ZNF566: variants seen among roughly 807,000 people sequenced by gnomAD.
The protein encoded by ZNF566 is zinc finger protein 566.
A neutral mutation model predicts 32.8 loss-of-function variants in ZNF566; 27 were observed. The observed-to-expected ratio is 0.82, with a 90% CI of 0.61 to 1.14. The LOEUF is 1.14. Among genes scored for constraint, ZNF566 ranks in the 50% most tolerant of loss-of-function variants. The pLI, the probability that ZNF566 is intolerant of heterozygous loss-of-function variation, is 0.00. For synonymous variants in ZNF566, 154 were observed against 159.5 expected (o/e 0.97, Z 0.26); for missense variants, 402 against 490.4 (o/e 0.82, Z 1.70).
intron 1 of ZNF566, among the ~76,000 whole-genome samples, chr19:36,482,976 A>G (rs1195374880): frequency 1.3e-5 from 2 of 152,208 alleles, no homozygotes; most frequent in Admixed American, 1.3e-4. Flanking sequence ...GGTCAAGGGA[A>G]CACACAGATA....
intron 4 of ZNF566, among the ~76,000 whole-genome samples, chr19:36,463,574 G>A (rs1315227682): frequency 5.6e-5 from 7 of 123,978 alleles, no homozygotes; most frequent in Admixed American, 1.1e-4. Context: ...GCAGAGTCTC[G>A]CTCTGTTGCC....
intron 4 of ZNF566, among the ~76,000 whole-genome samples, chr19:36,463,384 G>T (rs2033527759): frequency 6.6e-6 from 1 of 151,886 alleles, no homozygotes; most frequent in Admixed American, 6.6e-5. Context: ...TGAACTATAA[G>T]CCCTTTTTTG....
chr19:36,477,850 T>C (rs980258147), intron 1 of ZNF566, among the ~76,000 whole-genome samples: 1 of 152,096 alleles, frequency 6.6e-6, no homozygotes, highest in Non-Finnish European at 1.5e-5. Flanking sequence ...CACTTTAAGA[T>C]GTTTAAAGTG....
At chr19:36,463,633 C>A (rs2033537886) in intron 4 of ZNF566, among the ~76,000 whole-genome samples, 4 of 149,214 alleles carry the variant, frequency 2.7e-5, no homozygotes, top group Admixed American at 6.7e-5. Context: ...ACCTCTGCCT[C>A]CTGGGTTCAA....
chr19:36,484,854 G>A (rs1222496964), intron 1 of ZNF566, among the ~76,000 whole-genome samples: 1 of 152,030 alleles, frequency 6.6e-6, no homozygotes, highest in Non-Finnish European at 1.5e-5. Flanking sequence ...CTCCCAAAGT[G>A]TTGGGATTAC....
At chr19:36,462,956 CAAAAAAAAAAAAAAAAAAA>C (rs755283751) in intron 4 of ZNF566, among the ~76,000 whole-genome samples, 7 of 38,558 alleles carry the variant, frequency 1.8e-4, no homozygotes, top group South Asian at 1.4e-3. Context: ...GACTCTGTCT[CAAAAAAAAAAAAAAAAAAA>C]AAAAAAAAAA....
intron 1 of ZNF566, among the ~76,000 whole-genome samples, chr19:36,479,900 T>C (rs1303986319): frequency 6.6e-6 from 1 of 152,188 alleles, no homozygotes; most frequent in Non-Finnish European, 1.5e-5. Flanking sequence ...TCTCACTGTG[T>C]TGCCCAGGCT....
intron 4 of ZNF566, among the ~76,000 whole-genome samples, chr19:36,458,806 C>A (rs546567783): frequency 6.6e-6 from 1 of 152,296 alleles, no homozygotes; most frequent in Admixed American, 6.5e-5. Flanking sequence ...AATCATTTCA[C>A]AATGTATACA....
At chr19:36,477,497 T>C (rs2033917534) in intron 1 of ZNF566, among the ~76,000 whole-genome samples, 1 of 151,664 alleles carries the variant, frequency 6.6e-6, no homozygotes, top group Non-Finnish European at 1.5e-5. Context: ...AGTTTGGATA[T>C]ACCTGGGTCA....
chr19:36,481,712 G>C (rs1366150933), intron 1 of ZNF566, among the ~76,000 whole-genome samples: 1 of 152,038 alleles, frequency 6.6e-6, no homozygotes. Flanking sequence ...CCGCTTCTAG[G>C]AATCTACCCT....
chr19:36,472,901 C>T lies in ZNF566; in HGVS notation c.232+10G>A, dbSNP rs1337447905. 1 of 1,607,814 alleles carries T rather than the reference C, an allele frequency of 6.2e-7. No individual in the cohort carries two copies. The highest frequency in any genetic ancestry group is 8.5e-7 in the Non-Finnish European group (1 of 1,177,282). ...GCCAAATCACGCATTACCTGCTGTG[C>T]CTCACTTACCTGGCCACTGGCCTCT... On this transcript the variant is annotated intron_variant, in intron 4 of 4. Transcript: ENST00000452939.
Position 36,449,050 on chromosome 19 carries a change from T to C in ZNF566, c.1184A>G (p.Tyr395Cys), listed in dbSNP as rs763231728. ...HHRIHTSEKPYEYRECGKNFN... is the reference protein window; with the variant it reads ...HHRIHTSEKPCEYRECGKNFN... The stretch of plus-strand genomic sequence containing the variant: ...GTTCTTTCCACATTCCCTATATTCA[T>C]AGGGTTTCTCACTAGTATGAATTCT... Residue 395 changes from tyrosine (Y) to cysteine (C), a missense_variant, in exon 5 of 5, where the codon TAT becomes TGT. Coordinates refer to ENST00000452939, the MANE Select transcript of ZNF566 (RefSeq NM_001145344.1). 4.3e-6 allele frequency: 7 copies of C among 1,612,936 alleles called. No homozygotes were observed. Among genetic ancestry groups the C allele is most frequent in the Admixed American group, 1.7e-5 (1 of 59,754 alleles).
chr19:36,464,552 C>T (rs926178887), intron 4 of ZNF566, among the ~76,000 whole-genome samples: 5 of 151,966 alleles, frequency 3.3e-5, no homozygotes, highest in African/African-American at 1.2e-4. Flanking sequence ...AATAAGAAAG[C>T]GGAAACATAA....
chr19:36,461,103 A>T (rs1209842258), intron 4 of ZNF566, among the ~76,000 whole-genome samples: 2 of 152,148 alleles, frequency 1.3e-5, no homozygotes, highest in African/African-American at 4.8e-5. Flanking sequence ...CCCTTCTCAA[A>T]GGGGTTAAGT....
chr19:36,472,582 G>A (rs1308909755), intron 4 of ZNF566, among the ~76,000 whole-genome samples: 1 of 152,148 alleles, frequency 6.6e-6, no homozygotes, highest in African/African-American at 2.4e-5. Flanking sequence ...TATTTCTGGA[G>A]ACAGTGATGC....
At chr19:36,461,716 T>C (rs781192660) in intron 4 of ZNF566, among the ~76,000 whole-genome samples, 1 of 151,912 alleles carries the variant, frequency 6.6e-6, no homozygotes, top group Non-Finnish European at 1.5e-5. Flanking sequence ...ATAAATCCTA[T>C]GGAGATGGTT....
chr19:36,482,852 CTA>C (rs764769953), intron 1 of ZNF566, among the ~76,000 whole-genome samples: 11 of 152,186 alleles, frequency 7.2e-5, no homozygotes, highest in Non-Finnish European at 1.6e-4. Context: ...TTGTTCTGCA[CTA>C]TTTTACCAAG....
chr19:36,471,746 C>CT (rs1416385142), intron 4 of ZNF566, among the ~76,000 whole-genome samples: 1 of 151,654 alleles, frequency 6.6e-6, no homozygotes, highest in Non-Finnish European at 1.5e-5. Context: ...TATGCATGTT[C>CT]TTTTTTTTCT....
chr19:36,479,404 A>AT (rs1305117798), intron 1 of ZNF566, among the ~76,000 whole-genome samples: 1 of 152,234 alleles, frequency 6.6e-6, no homozygotes, highest in Non-Finnish European at 1.5e-5. Context: ...TATAGAGACA[A>AT]TATATAAAAA....
Sources: allele counts gnomAD v4.1 joint callset (sites outside exome capture counted in the v4.1 genomes callset), GRCh38; gene constraint gnomAD v4.1.1; transcripts MANE v1.5; gene names NCBI Gene and HGNC (gene_info 2026-07-23, HGNC 2026-07-21).